Variants in RNF135 observed in about 807,000 individuals in gnomAD.
RNF135 encodes E3 ubiquitin-protein ligase RNF135.
RNF135 carries 46 observed loss-of-function variants against 41.9 expected under a neutral mutation model. The observed-to-expected ratio is 1.10, with a 90% CI of 0.87 to 1.40. RNF135 has a LOEUF of 1.40. Ranked by LOEUF, RNF135 falls within the 40% of genes most tolerant of loss-of-function variation. The probability of loss-of-function intolerance (pLI) is 0.00; values close to 1 mark genes in which losing one functional copy is unlikely to be tolerated. For missense variants in RNF135, 539 were observed against 549.8 expected (o/e 0.98, Z 0.20); for synonymous variants, 238 against 223.8 (o/e 1.06, Z -0.57).
intron 1 of RNF135, chr17:30,978,599 TTTA>T (rs1279274459): frequency 6.2e-5 from 8 of 128,174 alleles, no homozygotes; most frequent in African/African-American, 3.8e-4. Flanking sequence ...CTTTTTTTTA[TTTA>T]TTTTTTATTT....
chr17:30,994,326 T>G (rs1908192798), intron 3 of RNF135, among the ~76,000 whole-genome samples: 1 of 152,068 alleles, frequency 6.6e-6, no homozygotes, highest in Non-Finnish European at 1.5e-5. Context: ...GCAGATCAGT[T>G]GAGTCCAGGA....
intron 1 of RNF135, chr17:30,978,696 G>A (rs1271605971): frequency 1.4e-5 from 2 of 142,486 alleles, no homozygotes; most frequent in Admixed American, 1.4e-4. Context: ...TGGAGGGAAG[G>A]TCAGCAGATA....
intron 3 of RNF135, among the ~76,000 whole-genome samples, chr17:30,994,790 C>T (rs1461660420): frequency 6.6e-6 from 1 of 151,144 alleles, no homozygotes; most frequent in South Asian, 2.1e-4. Context: ...TCCACCACCA[C>T]ACCTGGCTAA....
At chr17:30,987,857 A>T in intron 2 of RNF135, 87 bp from the exon 3 acceptor site, 1 of 1,284,812 alleles carries the variant, frequency 7.8e-7, no homozygotes, top group Non-Finnish European at 1.1e-6. Flanking sequence ...ATAGAAAATT[A>T]TAGATGAATA....
chr17:30,971,422 C>A lies in RNF135; in HGVS notation c.349C>A (p.Arg117=). 1 of 1,515,412 alleles carries A rather than the reference C, an allele frequency of 6.6e-7. No individual in the cohort carries two copies. Among genetic ancestry groups the A allele is most frequent in the Non-Finnish European group, 8.8e-7 (1 of 1,139,098 alleles). 93.9% of individuals were successfully genotyped at this position (1,515,412 alleles called of 1,614,324 possible). The change falls in exon 1 of 5, where the codon CGG becomes AGG. Residue 117 remains arginine (R), a synonymous_variant. Transcript: ENST00000328381. The stretch of plus-strand genomic sequence containing the variant: ...CCTCTCCAGCGCGGCCGCGAGGCCC[C>A]GGCGCCGCCCGGAACTGCAGCGGGT... The part of the protein sequence containing the change: ...SSLSSAAARP[R]RRPELQRVAV...
chr17:30,975,165 A>T (rs1906330991), intron 1 of RNF135, among the ~76,000 whole-genome samples: 1 of 151,842 alleles, frequency 6.6e-6, no homozygotes, highest in Non-Finnish European at 1.5e-5. Context: ...TGAAAAAAAA[A>T]AGAAAAAAGA....
At chr17:30,998,125 G>A (rs1271510388) in intron 4 of RNF135, among the ~76,000 whole-genome samples, 1 of 152,176 alleles carries the variant, frequency 6.6e-6, no homozygotes, top group African/African-American at 2.4e-5. Context: ...TGGCCAGGCT[G>A]GTCTTGACCT....
At chr17:30,991,026 G>C (rs1280999823) in intron 3 of RNF135, among the ~76,000 whole-genome samples, 1 of 152,194 alleles carries the variant, frequency 6.6e-6, no homozygotes. Flanking sequence ...GCCAGTGAAG[G>C]TTGCTGGGTC....
At chr17:30,994,127 A>G (rs1162578065) in intron 3 of RNF135, among the ~76,000 whole-genome samples, 1 of 152,066 alleles carries the variant, frequency 6.6e-6, no homozygotes, top group Non-Finnish European at 1.5e-5. Flanking sequence ...AAAACCTATT[A>G]ACAATAAGTA....
intron 1 of RNF135, 196 bp downstream of exon 1, chr17:30,971,641 C>A: frequency 3.0e-6 from 4 of 1,352,580 alleles, no homozygotes; most frequent in Non-Finnish European, 3.8e-6. Context: ...AAAACAAATT[C>A]CCCATCTTCC....
At chr17:30,984,426 G>A (rs1907437580) in intron 1 of RNF135, among the ~76,000 whole-genome samples, 191 bp from the exon 2 acceptor site, 1 of 152,126 alleles carries the variant, frequency 6.6e-6, no homozygotes, top group South Asian at 2.1e-4. Flanking sequence ...CCATTGAATG[G>A]TCTTGGCACC....
At chr17:30,985,841 C>T (rs927465083) in intron 2 of RNF135, among the ~76,000 whole-genome samples, 1 of 152,186 alleles carries the variant, frequency 6.6e-6, no homozygotes, top group Non-Finnish European at 1.5e-5. Context: ...CAAATCTCAT[C>T]TCTGCTCATG....
At chr17:30,996,066 C>T (rs1199659057) in intron 3 of RNF135, among the ~76,000 whole-genome samples, 1 of 150,524 alleles carries the variant, frequency 6.6e-6, no homozygotes, top group Non-Finnish European at 1.5e-5. Flanking sequence ...CGTGAGCCAC[C>T]ACGCCCAGGC....
chr17:30,981,993 A>G (rs116054205), intron 1 of RNF135, among the ~76,000 whole-genome samples: 279 of 152,330 alleles, frequency 1.8e-3, no homozygotes, highest in African/African-American at 6.6e-3. Context: ...GGTCAGACCT[A>G]AAGCCAACAC....
At chr17:30,992,342 A>G (rs1468548180) in intron 3 of RNF135, among the ~76,000 whole-genome samples, 10 of 151,222 alleles carry the variant, frequency 6.6e-5, no homozygotes, top group Admixed American at 6.6e-4. Context: ...TGCTGGGATT[A>G]CAGGTGTGAA....
intron 3 of RNF135, among the ~76,000 whole-genome samples, chr17:30,989,671 T>C (rs977543777): frequency 6.6e-6 from 1 of 152,178 alleles, no homozygotes; most frequent in Admixed American, 6.6e-5. Flanking sequence ...TTATATCCTT[T>C]ATATTTTCAT....
chr17:30,965,528 G>A, the RNF135 span: 1 of 152,122 alleles, frequency 6.6e-6, no homozygotes, highest in African/African-American at 2.4e-5. Flanking sequence ...CAGTAAACAA[G>A]CTGTCTCTAA....
Position 30,999,214 on chromosome 17 carries a change from C to T in RNF135, c.*23C>T. The stretch of plus-strand genomic sequence containing the variant: ...TAAGGTTTCCTAAGGGATTACAACA[C>T]AGTGGTTTCCTGGTCTCTCTCCCTG... On this transcript the variant is annotated 3_prime_UTR_variant, in exon 5 of 5. Transcript: ENST00000328381. The T allele has an allele frequency of 6.2e-7, 1 of 1,607,858 alleles. No homozygotes were observed. Among genetic ancestry groups the T allele is most frequent in the South Asian group, 1.1e-5 (1 of 91,044 alleles).
At chr17:30,960,252 T>C in the RNF135 span, among the ~76,000 whole-genome samples, 9 of 151,166 alleles carry the variant, frequency 6.0e-5, no homozygotes, top group African/African-American at 2.2e-4. Flanking sequence ...ATTAGCTGAC[T>C]GTGGTGGCAC....
Sources: gnomAD v4.1 joint callset for allele counts (sites outside exome capture counted in the v4.1 genomes callset) on GRCh38, gnomAD v4.1.1 for gene constraint, MANE v1.5 for transcripts, NCBI Gene and HGNC (gene_info 2026-07-23, HGNC 2026-07-21) for gene names.